The following USP54 variants were observed in gnomAD, a reference collection of about 807,000 sequenced individuals.
USP54 encodes the protein ubiquitin carboxyl-terminal hydrolase 54.
USP54 carries 87 observed loss-of-function variants against 170.5 expected under a neutral mutation model. That is an observed-to-expected ratio of 0.51 (90% CI 0.43 to 0.61). The LOEUF is 0.61. Ranked by LOEUF, USP54 falls within the 20% of genes least tolerant of loss-of-function variation. The pLI is 0.00. For synonymous variants in USP54, 655 were observed against 742.8 expected, an observed-to-expected ratio of 0.88 and a Z score of 1.92; for missense variants, 1,786 against 2,047.8, an observed-to-expected ratio of 0.87 and a Z score of 2.47.
upstream of USP54, among the ~76,000 whole-genome samples, chr10:73,592,471 C>CAAAAAAAAAAAAAAAA (rs367984467): frequency 4.5e-5 from 3 of 67,362 alleles, no homozygotes; most frequent in Non-Finnish European, 6.8e-5. Context: ...GAAAGTGCCA[C>CAAAAAAAAAAAAAAAA]AAAAAAAAAA....
chr10:73,620,382 GA>G (rs2080995323), intron 1 of USP54, among the ~76,000 whole-genome samples: 1 of 149,298 alleles, frequency 6.7e-6, no homozygotes, highest in Non-Finnish European at 1.5e-5. Flanking sequence ...AAAATGAATA[GA>G]ATGGACTGGT....
chr10:73,593,294 T>C (rs1017235654), upstream of USP54, among the ~76,000 whole-genome samples: 1 of 151,180 alleles, frequency 6.6e-6, no homozygotes, highest in African/African-American at 2.4e-5. Flanking sequence ...GGAGGATCCC[T>C]TGAGCCCAGG....
At chr10:73,509,144 A>T (rs2059790666) in intron 20 of USP54, among the ~76,000 whole-genome samples, 2 of 149,708 alleles carry the variant, frequency 1.3e-5, no homozygotes, top group Admixed American at 6.7e-5. Context: ...GAGCCTTATC[A>T]TCAAAATGCA....
chr10:73,517,205 G>A lies in USP54; in HGVS notation c.3221C>T (p.Pro1074Leu). The stretch of plus-strand genomic sequence containing the variant: ...AAATGAAGAAGCAACAGGCATTATG[G>A]GGTGGCAGGTTCTATACAGGGGAAG... ...PSLPLYRTCH[P>L]IMPVASSFVL... Residue 1074 changes from proline to leucine, a missense_variant, in exon 20 of 24, where the codon CCC (proline) becomes CTC (leucine). By Grantham distance (98) the Pro-to-Leu change is moderately conservative (BLOSUM62 -3). Around this residue, in one of 3 missense-constraint regions of USP54, gnomAD observed 1,418 missense variants for 1,569.0 expected, o/e 0.90. Coordinates refer to ENST00000687698, the MANE Select transcript of USP54 (RefSeq NM_001391956.1). 1.9e-6 allele frequency: 3 copies of A among 1,614,210 alleles called. No individual in the cohort carries two copies. Among genetic ancestry groups the A allele is most frequent in the Non-Finnish European group, 2.5e-6 (3 of 1,180,040 alleles).
rs868449175 is a variant in USP54 at position 73,600,701 on chromosome 10, G to C, written c.-18+24866C>G. Among the ~76,000 whole-genome samples, 11 of 152,172 alleles carry C rather than the reference G, an allele frequency of 7.2e-5. No homozygotes were observed. In the South Asian group the frequency reaches 8.3e-4, roughly 11 times the overall value. On this transcript the variant is annotated intron_variant, in intron 1 of 22. Transcript: ENST00000339859. Reference sequence around the variant, plus strand: ...GGCTGAGGCAGGCGGATCACCTGAGGTTAAGAGTTCGAGACCAGCCTGGCC... The same window carrying C: ...GGCTGAGGCAGGCGGATCACCTGAGCTTAAGAGTTCGAGACCAGCCTGGCC...
chr10:73,534,855 C>T, intron 11 of USP54, 85 bp from the exon 12 acceptor site: 10 of 1,329,370 alleles, frequency 7.5e-6, no homozygotes, highest in Non-Finnish European at 1.0e-5. Flanking sequence ...CACAACAAAG[C>T]TCCATAAGGC....
intron 4 of USP54, among the ~76,000 whole-genome samples, chr10:73,555,768 T>C (rs2070817033): frequency 6.6e-6 from 1 of 152,214 alleles, no homozygotes; most frequent in Admixed American, 6.5e-5. Context: ...GACACCCTTC[T>C]GGATATGCAC....
chr10:73,610,940 T>C (rs1170595129), intron 1 of USP54, among the ~76,000 whole-genome samples: 3 of 152,184 alleles, frequency 2.0e-5, no homozygotes, highest in African/African-American at 4.8e-5. Flanking sequence ...ATAATAGGGC[T>C]AGATTTCCTA....
intron 4 of USP54, among the ~76,000 whole-genome samples, chr10:73,561,091 C>A (rs2072853297): frequency 8.0e-6 from 1 of 124,826 alleles, no homozygotes; most frequent in Admixed American, 1.0e-4. Context: ...GGCGACACAG[C>A]GAGACTCCAT....
intron 4 of USP54, among the ~76,000 whole-genome samples, chr10:73,548,688 T>C (rs894635922): frequency 3.3e-5 from 5 of 152,142 alleles, no homozygotes; most frequent in African/African-American, 9.6e-5. Context: ...ATGAGAACAC[T>C]TGGACACAGG....
At chr10:73,543,754 G>A (rs1197672145) in intron 5 of USP54, among the ~76,000 whole-genome samples, 1 of 152,122 alleles carries the variant, frequency 6.6e-6, no homozygotes, top group East Asian at 1.9e-4. Flanking sequence ...TCATTTGTGT[G>A]TGTGTATGTA....
intron 22 of USP54, among the ~76,000 whole-genome samples, chr10:73,502,377 C>T (rs933342903): frequency 3.3e-5 from 5 of 152,090 alleles, no homozygotes; most frequent in African/African-American, 7.2e-5. Context: ...GGCGCAATCT[C>T]GGCTCACTCA....
Position 73,588,957 on chromosome 10 carries a change from G to A in USP54, c.-582+2321C>T, listed in dbSNP as rs145906516. 2.4e-3 allele frequency among the ~76,000 whole-genome samples: 363 copies of A among 152,308 alleles called. 2 individuals are homozygous for A. The highest frequency in any genetic ancestry group is 3.9e-3 in the Non-Finnish European group (267 of 68,028). On this transcript the variant is annotated intron_variant, in intron 1 of 23. Transcript: ENST00000687698. ...ACTAATAGTCATACATCAGCAGGAAGGAGCAGTCATTTACATTAATTCATT... is the reference window on the plus strand; with the variant it reads ...ACTAATAGTCATACATCAGCAGGAAAGAGCAGTCATTTACATTAATTCATT...
intron 1 of USP54, among the ~76,000 whole-genome samples, chr10:73,596,600 T>G (rs1476181196): frequency 6.7e-6 from 1 of 150,270 alleles, no homozygotes; most frequent in Non-Finnish European, 1.5e-5. Flanking sequence ...GCGCCTGTAA[T>G]CCCAGCTACT....
chr10:73,610,990 T>C (rs1390788015), intron 1 of USP54, among the ~76,000 whole-genome samples: 7 of 152,166 alleles, frequency 4.6e-5, no homozygotes, highest in Non-Finnish European at 1.0e-4. Context: ...AGCTTTTCCT[T>C]AAAAGTCACT....
At chr10:73,600,120 G>A (rs2079053080) in intron 1 of USP54, among the ~76,000 whole-genome samples, 1 of 151,878 alleles carries the variant, frequency 6.6e-6, no homozygotes, top group African/African-American at 2.4e-5. Context: ...AGGCTGCCTC[G>A]AACTCCTGAC....
chr10:73,569,498 C>T (rs2074568463), intron 4 of USP54, among the ~76,000 whole-genome samples: 1 of 152,018 alleles, frequency 6.6e-6, no homozygotes, highest in African/African-American at 2.4e-5. Context: ...TATAATGGTT[C>T]CAGCTGGGCG....
intron 20 of USP54, among the ~76,000 whole-genome samples, chr10:73,510,817 G>A (rs1358838047): frequency 6.6e-6 from 1 of 151,926 alleles, no homozygotes; most frequent in African/African-American, 2.4e-5. Context: ...TTATTTTTTA[G>A]ATATCTATAA....
At chr10:73,580,268 G>A (rs1402370077) in intron 1 of USP54, among the ~76,000 whole-genome samples, 1 of 145,858 alleles carries the variant, frequency 6.9e-6, no homozygotes, top group Non-Finnish European at 1.5e-5. Flanking sequence ...GCAGTGAGCC[G>A]AGATCAAGCC....
Sources: gnomAD v4.1 joint callset for allele counts (sites outside exome capture counted in the v4.1 genomes callset) on GRCh38, gnomAD v4.1.1 for gene constraint, gnomAD v4.1.1 regional missense constraint, MANE v1.5 for transcripts, NCBI Gene and HGNC (gene_info 2026-07-23, HGNC 2026-07-21) for gene names.